The following PIWIL3 variants were observed in gnomAD, a reference collection of about 807,000 sequenced individuals.
The protein encoded by PIWIL3 is piwi like RNA-mediated gene silencing 3, also known as piwi-like protein 3.
In PIWIL3, 101 loss-of-function variants were observed where a neutral mutation model predicts 109.7. The observed-to-expected ratio is 0.92, with a 90% CI of 0.78 to 1.09. PIWIL3 has a LOEUF of 1.09. Ranked by LOEUF, PIWIL3 falls within the 50% of genes least tolerant of loss-of-function variation. The probability of loss-of-function intolerance (pLI) is 0.00; values close to 1 mark genes in which losing one functional copy is unlikely to be tolerated. For synonymous variants in PIWIL3, 373 were observed against 376.4 expected (o/e 0.99, Z 0.10); for missense variants, 1,031 against 1,072.6 (o/e 0.96, Z 0.54).
intron 4 of PIWIL3, among the ~76,000 whole-genome samples, chr22:24,757,375 G>C (rs1569109213): frequency 6.6e-6 from 1 of 152,190 alleles, no homozygotes; most frequent in Non-Finnish European, 1.5e-5. Context: ...CCTTTGGGAG[G>C]CCCAGGTGGG....
At chr22:24,763,383 C>T (rs1925566923) in intron 1 of PIWIL3, among the ~76,000 whole-genome samples, 2 of 152,106 alleles carry the variant, frequency 1.3e-5, no homozygotes, top group Admixed American at 6.5e-5. Context: ...TCACTGCAAC[C>T]TCCGCCTCCC....
intron 12 of PIWIL3, among the ~76,000 whole-genome samples, chr22:24,745,212 C>A (rs751258510): frequency 2.0e-5 from 3 of 152,090 alleles, no homozygotes; most frequent in African/African-American, 4.8e-5. Context: ...TGGGATACAG[C>A]GAAAGCAGTA....
chr22:24,748,836 C>G, intron 12 of PIWIL3, 71 bp downstream of exon 12: 1 of 1,212,610 alleles, frequency 8.2e-7, no homozygotes, highest in Non-Finnish European at 1.2e-6. Context: ...TACTGAGACT[C>G]AAGTTAGTTC....
At chr22:24,734,222 CAAATT>C in intron 13 of PIWIL3, 66 bp from the exon 14 acceptor site, 1 of 1,566,670 alleles carries the variant, frequency 6.4e-7, no homozygotes, top group Non-Finnish European at 8.6e-7. Context: ...TTTCACCCAG[CAAATT>C]AAATACAAAG....
intron 1 of PIWIL3, among the ~76,000 whole-genome samples, chr22:24,768,337 C>G (rs1166573615): frequency 2.6e-5 from 4 of 151,922 alleles, no homozygotes; most frequent in African/African-American, 9.7e-5. Flanking sequence ...TCACTGCAAC[C>G]TCCACCTCCC....
rs1029574442 is a variant in PIWIL3 at position 24,725,364 on chromosome 22, G to A, written c.2080+81C>T. On this transcript the variant is annotated intron_variant, in intron 17 of 20. Coordinates refer to ENST00000616349, the MANE Select transcript of PIWIL3 (RefSeq NM_001255975.1). The stretch of plus-strand genomic sequence containing the variant: ...AAACTAAAGGTTCAGTCATTACCAA[G>A]TGTCCCCTGGAGGCAGTAAGTCCAT... 1.8e-5 allele frequency: 27 copies of A among 1,523,252 alleles called. No individual in the cohort carries two copies. The African/African-American group carries it at 2.2e-4, about 12-fold the overall frequency. The allele number at this position is 1,523,252 out of a possible 1,614,324, so 94.4% of individuals were successfully genotyped here.
At position 24,735,546 on chromosome 22, in the gene PIWIL3, A is replaced by G. The variant is rs182094386; in HGVS notation, c.1634+162T>C. Among the ~76,000 whole-genome samples, 332 of 152,344 alleles carry G rather than the reference A, an allele frequency of 2.2e-3. 1 individual carries two copies. Among genetic ancestry groups the G allele is most frequent in the Non-Finnish European group, 3.8e-3 (260 of 68,022 alleles). ...ACATGTATCTTAATAGCCGTAAACC[A>G]TATATCACAAAGTCTGTTTTAATAT... On this transcript the variant is annotated intron_variant, in intron 13 of 20. Transcript: ENST00000616349.
intron 19 of PIWIL3, among the ~76,000 whole-genome samples, chr22:24,721,196 A>G (rs1922655781): frequency 6.6e-6 from 1 of 152,230 alleles, no homozygotes; most frequent in Admixed American, 6.5e-5. Context: ...TTAGCCGGGT[A>G]TCAAATTCTA....
intron 6 of PIWIL3, among the ~76,000 whole-genome samples, chr22:24,755,422 C>T (rs1924963282): frequency 6.6e-6 from 1 of 152,236 alleles, no homozygotes; most frequent in South Asian, 2.1e-4. Context: ...CACGCCCGGC[C>T]TCAAACTCTG....
At position 24,755,875 on chromosome 22, in the gene PIWIL3, T is replaced by G. The variant is rs532234712; in HGVS notation, c.601A>C (p.Lys201Gln). 1.9e-6 allele frequency: 3 copies of G among 1,614,066 alleles called. No individual in the cohort carries two copies. In the East Asian group the frequency reaches 6.7e-5, roughly 36 times the overall value. ...TCAACTGTAATCTTCACGATGTTTT[T>G]GTCTTTGGTTGTGCTCAACCATTCC... Reference protein sequence around the residue: ...RVEWLSTTKDKNIVKITVEFS... With the variant: ...RVEWLSTTKDQNIVKITVEFS... Residue 201 changes from lysine to glutamine, a missense_variant, in exon 6 of 21, where the codon AAA becomes CAA. By Grantham distance (53) the Lys-to-Gln change is moderately conservative (BLOSUM62 1). Transcript: ENST00000616349.
intron 3 of PIWIL3, 130 bp from the exon 4 acceptor site, chr22:24,758,169 G>T (rs942315330): frequency 3.6e-6 from 4 of 1,122,086 alleles, no homozygotes; most frequent in Non-Finnish European, 5.0e-6. Flanking sequence ...ACATTTCCGT[G>T]ATATGTTGCC....
chr22:24,722,186 C>T (rs1487137935), intron 19 of PIWIL3, among the ~76,000 whole-genome samples: 2 of 152,160 alleles, frequency 1.3e-5, no homozygotes, highest in Admixed American at 6.5e-5. Context: ...TGGTTCACAC[C>T]GTTCCCCTGC....
chr22:24,757,659 TACACACACACACACAC>T (rs57298578), intron 4 of PIWIL3, among the ~76,000 whole-genome samples: 1,413 of 109,822 alleles, frequency 0.013, 25 homozygotes, highest in South Asian at 0.033. Flanking sequence ...ATGTATATAT[TACACACACACACACAC>T]ACACACACAC....
intron 12 of PIWIL3, among the ~76,000 whole-genome samples, chr22:24,745,555 T>C (rs570971352): frequency 1.5e-4 from 23 of 149,702 alleles, no homozygotes; most frequent in Admixed American, 2.7e-4. Context: ...TCTAAATAAA[T>C]AAACAAACAA....
intron 14 of PIWIL3, among the ~76,000 whole-genome samples, chr22:24,733,148 A>G (rs1010199890): frequency 6.6e-6 from 1 of 152,204 alleles, no homozygotes; most frequent in Non-Finnish European, 1.5e-5. Flanking sequence ...CCTAGGGGCA[A>G]TTAAAAGAAG....
intron 12 of PIWIL3, among the ~76,000 whole-genome samples, chr22:24,745,435 G>A (rs1349239964): frequency 6.6e-6 from 1 of 151,878 alleles, no homozygotes; most frequent in Non-Finnish European, 1.5e-5. Context: ...CAGGTGCTGG[G>A]ACTCGGGAGA....
rs141396207 is a variant in PIWIL3 at position 24,749,007 on chromosome 22, C to T, written c.1349G>A (p.Arg450Gln). 2.8e-5 allele frequency: 45 copies of T among 1,610,452 alleles called. No homozygotes were observed. Among genetic ancestry groups the T allele is most frequent in the African/African-American group, 6.7e-5 (5 of 74,908 alleles). ...INTLQDNKKVRELLQLWDLKF... is the reference protein window; with the variant it reads ...INTLQDNKKVQELLQLWDLKF... ...CAAATCCCAGAGTTGAAGTAACTCT[C>T]GTACTTTTTTATTACTGAAAATTAA... is the stretch of plus-strand genomic sequence containing the variant. Residue 450 changes from arginine to glutamine, a missense_variant, in exon 12 of 21, where the codon CGA becomes CAA. By Grantham distance (43) the Arg-to-Gln change is conservative. Transcript: ENST00000616349.
In PIWIL3 at chr22:24,734,130, G is replaced by A. The variant is rs773816863; in HGVS notation, c.1661C>T (p.Ser554Phe). The change falls in exon 14 of 21, where the codon TCC becomes TTC. Residue 554 changes from serine (S) to phenylalanine (F), a missense_variant. Ser to Phe is a radical substitution (Grantham distance 155). Transcript: ENST00000616349. ...ATATTTCCGTAATGTGTCTATATAG[G>A]AGTTAGCATCACCATCTACTTCAAT... ...EMIEVDGDANSYIDTLRKYTR... is the reference protein window; with the variant it reads ...EMIEVDGDANFYIDTLRKYTR... 1 of 1,612,614 alleles carries A rather than the reference G, an allele frequency of 6.2e-7. No homozygotes were observed. Among genetic ancestry groups the A allele is most frequent in the African/African-American group, 1.3e-5 (1 of 74,960 alleles).
At chr22:24,721,646 CTT>C (rs1922681765) in intron 19 of PIWIL3, among the ~76,000 whole-genome samples, 1 of 152,174 alleles carries the variant, frequency 6.6e-6, no homozygotes, top group African/African-American at 2.4e-5. Context: ...CTAACCTTCT[CTT>C]TAACCCTTCC....
Sources: allele counts gnomAD v4.1 joint callset (sites outside exome capture counted in the v4.1 genomes callset), GRCh38; gene constraint gnomAD v4.1.1; transcripts MANE v1.5; gene names NCBI Gene and HGNC (gene_info 2026-07-23, HGNC 2026-07-21).